ACSS3: variants seen among roughly 807,000 people sequenced by gnomAD.
ACSS3 encodes the protein acyl-CoA synthetase short chain family member 3.
In ACSS3, 64 loss-of-function variants were observed where a neutral mutation model predicts 84.2. That is an observed-to-expected ratio of 0.76 (90% confidence interval 0.62 to 0.94). The LOEUF (loss-of-function observed/expected upper bound fraction) is 0.94, where lower values mean the gene tolerates loss of function less well. Among genes scored for constraint, ACSS3 ranks in the 40% least tolerant of loss-of-function variants. The pLI is 0.00. For synonymous variants in ACSS3, 317 were observed against 310.1 expected, an observed-to-expected ratio of 1.02 and a Z score of -0.23; for missense variants, 815 against 867.6, an observed-to-expected ratio of 0.94 and a Z score of 0.76.
At chr12:81,150,888 T>G (rs1400402083) in intron 5 of ACSS3, among the ~76,000 whole-genome samples, 2 of 152,124 alleles carry the variant, frequency 1.3e-5, no homozygotes, top group East Asian at 1.9e-4. Flanking sequence ...AAAACAATTT[T>G]TTTTGCATAA....
intron 13 of ACSS3, among the ~76,000 whole-genome samples, chr12:81,235,476 G>T (rs2033603050): frequency 6.6e-6 from 1 of 150,814 alleles, no homozygotes; most frequent in Non-Finnish European, 1.5e-5. Context: ...GTTCCTTTAG[G>T]TATTCCACAT....
intron 7 of ACSS3, among the ~76,000 whole-genome samples, chr12:81,159,141 A>T (rs563551842): frequency 6.6e-6 from 1 of 152,306 alleles, no homozygotes; most frequent in East Asian, 1.9e-4. Context: ...AAGTCAGGTT[A>T]TATGTTTTAT....
chr12:81,146,927 T>C lies in ACSS3; in HGVS notation c.921+3680T>C, dbSNP rs1321134375. On this transcript the variant is annotated intron_variant, in intron 5 of 15. Coordinates refer to ENST00000548058, the MANE Select transcript of ACSS3 (RefSeq NM_024560.4). ...GGGGAAAGAAATCAAAAGGAAAAGA[T>C]TGAAAAGAAAGCATGACAAGAAAGT... Among the ~76,000 whole-genome samples the C allele has an allele frequency of 4.0e-5, 6 of 151,858 alleles. No homozygotes were observed. The East Asian group carries it at 7.7e-4, about 19-fold the overall frequency.
intron 7 of ACSS3, among the ~76,000 whole-genome samples, chr12:81,155,203 C>T (rs528165270): frequency 6.6e-6 from 1 of 152,310 alleles, no homozygotes; most frequent in East Asian, 1.9e-4. Context: ...TTCTTCCATC[C>T]TGACAGCTTG....
chr12:81,134,995 T>C lies in ACSS3; in HGVS notation c.636T>C (p.Asp212=), dbSNP rs766353030. The change falls in exon 3 of 16, where the codon GAT becomes GAC. Residue 212 remains aspartate, a synonymous_variant. Coordinates refer to ENST00000548058, the MANE Select transcript of ACSS3 (RefSeq NM_024560.4). The stretch of plus-strand genomic sequence containing the variant: ...CCAAAGAACTAAGTAGTCGCATTGA[T>C]CATGTAAAGGTAAGTGCTTTATTTT... ...FASKELSSRI[D]HVKPKVVVTA... is the part of the protein sequence containing the mutation. 1.3e-6 allele frequency: 2 copies of C among 1,598,526 alleles called. No individual in the cohort carries two copies. The highest frequency in any genetic ancestry group is 1.7e-6 in the Non-Finnish European group (2 of 1,171,406).
chr12:81,079,347 T>A lies in ACSS3; in HGVS notation c.311+916T>A, dbSNP rs1047340221. On this transcript the variant is annotated intron_variant, in intron 1 of 15. Coordinates refer to ENST00000548058, the MANE Select transcript of ACSS3 (RefSeq NM_024560.4). ...CTTATGTGTCTGCCCTCTGGGGGTG[T>A]GATTGCTCTCATCTGCCAGCCATTA... 4.6e-4 allele frequency among the ~76,000 whole-genome samples: 70 copies of A among 152,084 alleles called. 4 individuals are homozygous for A. The highest frequency in any genetic ancestry group is 2.9e-5 in the Non-Finnish European group (2 of 68,004).
At chr12:81,110,929 AC>A (rs1212822562) in intron 2 of ACSS3, among the ~76,000 whole-genome samples, 1 of 151,868 alleles carries the variant, frequency 6.6e-6, no homozygotes, top group Non-Finnish European at 1.5e-5. Flanking sequence ...ACTCTCCCTG[AC>A]TCTTTGAAAT....
chr12:81,095,809 T>A (rs1459832417), intron 1 of ACSS3, among the ~76,000 whole-genome samples: 1 of 152,190 alleles, frequency 6.6e-6, no homozygotes, highest in Non-Finnish European at 1.5e-5. Context: ...GATGGTGTGA[T>A]GGGGCCAGAT....
chr12:81,234,445 G>A (rs889670238), intron 13 of ACSS3, among the ~76,000 whole-genome samples: 1 of 151,280 alleles, frequency 6.6e-6, no homozygotes, highest in African/African-American at 2.4e-5. Flanking sequence ...TATATTAAGT[G>A]TATGTTTAAG....
chr12:81,083,358 C>CTTTTTTTTTTT (rs111641450), intron 1 of ACSS3, among the ~76,000 whole-genome samples: 4 of 140,304 alleles, frequency 2.9e-5, no homozygotes, highest in Non-Finnish European at 3.1e-5. Flanking sequence ...AGCTTTTGGT[C>CTTTTTTTTTTT]TTTTTTTTTT....
At chr12:81,111,321 AC>A (rs1353120377) in intron 2 of ACSS3, among the ~76,000 whole-genome samples, 3 of 151,978 alleles carry the variant, frequency 2.0e-5, no homozygotes, top group African/African-American at 7.3e-5. Context: ...ACCCCTATTG[AC>A]TCCAGTGGGG....
At chr12:81,216,113 T>A (rs1241065801) in intron 9 of ACSS3, among the ~76,000 whole-genome samples, 3 of 151,532 alleles carry the variant, frequency 2.0e-5, no homozygotes, top group Non-Finnish European at 4.4e-5. Flanking sequence ...CATGATATTA[T>A]CCATATATAT....
chr12:81,094,268 C>T (rs1881880189), intron 1 of ACSS3: 2 of 151,458 alleles, frequency 1.3e-5, no homozygotes, highest in Non-Finnish European at 2.9e-5. Context: ...ATTATCCAGC[C>T]ATTCTCCAAA....
chr12:81,153,663 C>G (rs950728202), intron 7 of ACSS3, among the ~76,000 whole-genome samples: 1 of 152,104 alleles, frequency 6.6e-6, no homozygotes, highest in African/African-American at 2.4e-5. Flanking sequence ...CAATACCAGA[C>G]AAGGATTGTG....
At chr12:81,105,205 G>A (rs1030984205) in intron 1 of ACSS3, among the ~76,000 whole-genome samples, 1 of 152,172 alleles carries the variant, frequency 6.6e-6, no homozygotes, top group Non-Finnish European at 1.5e-5. Flanking sequence ...CATCATAAAA[G>A]TGCTTCAAGG....
At chr12:81,231,236 A>C in intron 12 of ACSS3, 98 bp downstream of exon 12, 1 of 1,032,090 alleles carries the variant, frequency 9.7e-7, no homozygotes, top group Non-Finnish European at 1.4e-6. Context: ...TAGATCAAAA[A>C]GAAACTTTTA....
At chr12:81,157,931 T>TACACACACACACAC (rs35855433) in intron 7 of ACSS3, among the ~76,000 whole-genome samples, 3 of 144,214 alleles carry the variant, frequency 2.1e-5, no homozygotes, top group African/African-American at 7.7e-5. Flanking sequence ...GATTACAGAA[T>TACACACACACACAC]ACACACACAC....
intron 7 of ACSS3, among the ~76,000 whole-genome samples, chr12:81,169,541 T>A (rs1354157488): frequency 6.6e-6 from 1 of 152,210 alleles, no homozygotes; most frequent in Admixed American, 6.5e-5. Flanking sequence ...GTTCCAGTTT[T>A]ACAATTTATC....
At chr12:81,189,048 T>C (rs1449220453) in intron 8 of ACSS3, among the ~76,000 whole-genome samples, 1 of 152,094 alleles carries the variant, frequency 6.6e-6, no homozygotes, top group African/African-American at 2.4e-5. Context: ...TTGTAGCCTT[T>C]GGCCAATACC....
Sources: allele counts gnomAD v4.1 joint callset (sites outside exome capture counted in the v4.1 genomes callset), GRCh38; gene constraint gnomAD v4.1.1; transcripts MANE v1.5; gene names NCBI Gene and HGNC (gene_info 2026-07-23, HGNC 2026-07-21).